CSMD1: variants seen among roughly 807,000 people sequenced by gnomAD.
CSMD1 encodes CUB and Sushi multiple domains 1.
In CSMD1, 213 loss-of-function variants were observed where a neutral mutation model predicts 417.5. That is an observed-to-expected ratio of 0.51 (90% CI 0.46 to 0.57). CSMD1 has a LOEUF of 0.57. CSMD1 is among the 20% of genes least tolerant of loss of function. CSMD1 has a pLI of 0.00. For missense variants in CSMD1, 6,923 were observed against 4,529.7 expected (o/e 1.53, Z -15.17); for synonymous variants, 2,862 against 1,736.8 (o/e 1.65, Z -16.11).
At chr8:4,590,824 T>C (rs551068246) in intron 2 of CSMD1, among the ~76,000 whole-genome samples, 303 of 152,318 alleles carry the variant, frequency 2.0e-3, no homozygotes, top group African/African-American at 7.1e-3. Context: ...CATTTCTTAA[T>C]AAAAGGATAT....
intron 5 of CSMD1, among the ~76,000 whole-genome samples, chr8:3,788,526 C>G (rs2623673): frequency 0.43 from 65,129 of 151,972 alleles, 15,262 homozygotes; most frequent in East Asian, 0.65. Flanking sequence ...TTCATCTCAC[C>G]TCAGATATTT....
chr8:4,435,496 A>G lies in CSMD1; in HGVS notation c.303-15431T>C, dbSNP rs1469552474. Among the ~76,000 whole-genome samples, 7 of 152,186 alleles carry G rather than the reference A, an allele frequency of 4.6e-5. No individual in the cohort carries two copies. The East Asian group carries it at 1.2e-3, about 25-fold the overall frequency. ...TCTTTGGAAGCCCTGTTATGATATGATTTGTCCAGGAAAACTGAAACCTTA... is the reference window on the plus strand; with the variant it reads ...TCTTTGGAAGCCCTGTTATGATATGGTTTGTCCAGGAAAACTGAAACCTTA... On this transcript the variant is annotated intron_variant, in intron 2 of 69. Coordinates refer to ENST00000635120, the MANE Select transcript of CSMD1 (RefSeq NM_033225.6).
chr8:3,597,447 T>C (rs1801148427), intron 8 of CSMD1, among the ~76,000 whole-genome samples: 1 of 136,098 alleles, frequency 7.3e-6, no homozygotes, highest in Admixed American at 7.6e-5. Context: ...CCCCAAGACC[T>C]AGAGAAGTTA....
Position 4,607,406 on chromosome 8 carries a change from G to A in CSMD1, c.302+29936C>T, listed in dbSNP as rs149318295. 7.3e-3 allele frequency among the ~76,000 whole-genome samples: 1,118 copies of A among 152,252 alleles called. 56 individuals are homozygous for A. The highest frequency in any genetic ancestry group is 0.063 in the Admixed American group (970 of 15,282). ...AGTTGCTGGAGAATAGAAAATTGCA[G>A]GCAACAACTTCACGTGACTAAGCAA... On this transcript the variant is annotated intron_variant, in intron 2 of 69. Transcript: ENST00000635120.
At chr8:3,698,143 C>T (rs1425523311) in intron 7 of CSMD1, among the ~76,000 whole-genome samples, 1 of 152,142 alleles carries the variant, frequency 6.6e-6, no homozygotes, top group African/African-American at 2.4e-5. Context: ...ATGCTGTTCT[C>T]AAATCTATCT....
chr8:3,988,708 G>C lies in CSMD1; in HGVS notation c.818+9195C>G, dbSNP rs138656098. On this transcript the variant is annotated intron_variant, in intron 5 of 69. Coordinates refer to ENST00000635120, the MANE Select transcript of CSMD1 (RefSeq NM_033225.6). ...TAAGTGATATACAGGATCTAAACCA[G>C]GATAGCATTTTGATTTTCATTCACA... Among the ~76,000 whole-genome samples, 66 of 152,296 alleles carry C rather than the reference G, an allele frequency of 4.3e-4. No homozygotes were observed. The East Asian group carries it at 0.011, about 25-fold the overall frequency.
chr8:4,171,439 T>A (rs1384927888), intron 3 of CSMD1, among the ~76,000 whole-genome samples: 2 of 151,950 alleles, frequency 1.3e-5, no homozygotes, highest in African/African-American at 4.9e-5. Flanking sequence ...AATCAATTTA[T>A]GCATGACTTA....
intron 5 of CSMD1, among the ~76,000 whole-genome samples, chr8:3,816,610 T>G (rs982401263): frequency 6.6e-6 from 1 of 152,092 alleles, no homozygotes; most frequent in Non-Finnish European, 1.5e-5. Flanking sequence ...TTCACAATAA[T>G]GTACCAAACA....
intron 51 of CSMD1, among the ~76,000 whole-genome samples, chr8:3,023,180 C>T (rs1467171948): frequency 1.3e-5 from 2 of 152,176 alleles, no homozygotes; most frequent in Admixed American, 6.5e-5. Flanking sequence ...TCAATCCAGG[C>T]CTGCCTCCAG....
chr8:4,008,413 A>G (rs1342876581), intron 4 of CSMD1, among the ~76,000 whole-genome samples: 3 of 151,576 alleles, frequency 2.0e-5, no homozygotes, highest in African/African-American at 4.8e-5. Context: ...TGTATTATAT[A>G]ATTTTTTTTT....
intron 4 of CSMD1, among the ~76,000 whole-genome samples, chr8:4,014,045 A>G (rs1796403224): frequency 6.6e-6 from 1 of 152,198 alleles, no homozygotes. Context: ...ATTGATGTGT[A>G]TTGGAAATCA....
chr8:3,968,600 C>A (rs2627465), intron 5 of CSMD1, among the ~76,000 whole-genome samples: 19 of 152,136 alleles, frequency 1.2e-4, no homozygotes, highest in African/African-American at 4.6e-4. Flanking sequence ...ATGGAATATT[C>A]GCTAAGGAAG....
At chr8:3,763,923 T>G (rs1251066224) in intron 5 of CSMD1, among the ~76,000 whole-genome samples, 1 of 152,102 alleles carries the variant, frequency 6.6e-6, no homozygotes, top group Non-Finnish European at 1.5e-5. Context: ...ATAACCTCTA[T>G]GGGAATCAAA....
chr8:4,273,778 G>A (rs1317986407), intron 3 of CSMD1, among the ~76,000 whole-genome samples: 3 of 152,134 alleles, frequency 2.0e-5, no homozygotes, highest in Non-Finnish European at 4.4e-5. Context: ...GCCTCTGTAA[G>A]CTTCTGTCTG....
intron 2 of CSMD1, among the ~76,000 whole-genome samples, chr8:4,546,486 A>T (rs1352621327): frequency 1.3e-5 from 2 of 152,178 alleles, no homozygotes; most frequent in African/African-American, 4.8e-5. Context: ...GCAGGCCACA[A>T]AGAACAAAAG....
intron 37 of CSMD1, among the ~76,000 whole-genome samples, chr8:3,171,559 C>T (rs1055385474): frequency 6.6e-6 from 1 of 152,078 alleles, no homozygotes; most frequent in African/African-American, 2.4e-5. Context: ...ACTCTTTATT[C>T]CCTAGTTACT....
At chr8:4,243,412 A>G (rs533370715) in intron 3 of CSMD1, among the ~76,000 whole-genome samples, 1 of 152,264 alleles carries the variant, frequency 6.6e-6, no homozygotes, top group African/African-American at 2.4e-5. Context: ...TCCTCTACTG[A>G]CCACTTTGCT....
At chr8:3,797,886 G>C (rs972172992) in intron 5 of CSMD1, among the ~76,000 whole-genome samples, 2 of 152,000 alleles carry the variant, frequency 1.3e-5, no homozygotes, top group Non-Finnish European at 2.9e-5. Flanking sequence ...AAGTGAGCAT[G>C]CAAGTTGTTA....
intron 28 of CSMD1, among the ~76,000 whole-genome samples, chr8:3,222,410 A>C (rs1798270307): frequency 6.6e-6 from 1 of 151,996 alleles, no homozygotes; most frequent in African/African-American, 2.4e-5. Flanking sequence ...CCTGGGCTCC[A>C]ACAGTCCTCC....
Sources: gnomAD v4.1 joint callset for allele counts (sites outside exome capture counted in the v4.1 genomes callset) on GRCh38, gnomAD v4.1.1 for gene constraint, MANE v1.5 for transcripts, NCBI Gene and HGNC (gene_info 2026-07-23, HGNC 2026-07-21) for gene names.